The following RSRC1 variants were observed in gnomAD, a reference collection of about 807,000 sequenced individuals.
The protein encoded by RSRC1 is serine/Arginine-related protein 53.
In RSRC1, 39 loss-of-function variants were observed where a neutral mutation model predicts 49.1. That is an observed-to-expected ratio of 0.79 (90% CI 0.61 to 1.04). The LOEUF (loss-of-function observed/expected upper bound fraction) is 1.04, where lower values mean the gene tolerates loss of function less well. Ranked by LOEUF, RSRC1 falls within the 50% of genes least tolerant of loss-of-function variation. The pLI, the probability that RSRC1 is intolerant of heterozygous loss-of-function variation, is 0.00. For synonymous variants in RSRC1, 143 were observed against 130.8 expected, an observed-to-expected ratio of 1.09 and a Z score of -0.63; for missense variants, 388 against 402.4, an observed-to-expected ratio of 0.96 and a Z score of 0.31.
chr3:158,255,086 A>G lies in RSRC1; in HGVS notation c.495-42953A>G, dbSNP rs573036384. Among the ~76,000 whole-genome samples, 7 of 152,196 alleles carry G rather than the reference A, an allele frequency of 4.6e-5. No homozygotes were observed. In the South Asian group the frequency reaches 1.2e-3, roughly 27 times the overall value. On this transcript the variant is annotated intron_variant, in intron 4 of 9. Coordinates refer to ENST00000611884, the MANE Select transcript of RSRC1 (RefSeq NM_001271838.2). ...CTCTTTGATTAGATCTCATTTGTCTATTTTGGCTTTTGTTGCCATTGCTTT... is the reference window on the plus strand; with the variant it reads ...CTCTTTGATTAGATCTCATTTGTCTGTTTTGGCTTTTGTTGCCATTGCTTT...
chr3:158,354,347 C>T (rs1731046419), intron 5 of RSRC1, among the ~76,000 whole-genome samples: 1 of 152,096 alleles, frequency 6.6e-6, no homozygotes, highest in Non-Finnish European at 1.5e-5. Flanking sequence ...ACTGAAAAAG[C>T]AATTTTAGGA....
chr3:158,203,009 G>A (rs2108279430), intron 3 of RSRC1, 63 bp from the exon 4 acceptor site: 1 of 1,314,962 alleles, frequency 7.6e-7, no homozygotes, highest in Non-Finnish European at 1.1e-6. Context: ...ATTTAAAAGA[G>A]TATTTACTTT....
At chr3:158,238,775 CAG>C (rs1452539702) in intron 4 of RSRC1, among the ~76,000 whole-genome samples, 6 of 152,082 alleles carry the variant, frequency 3.9e-5, no homozygotes, top group South Asian at 2.1e-4. Flanking sequence ...TAGAAAAAAA[CAG>C]AGGGAATACC....
chr3:158,525,604 A>G (rs1344884463), intron 7 of RSRC1, among the ~76,000 whole-genome samples: 2 of 152,040 alleles, frequency 1.3e-5, no homozygotes, highest in Admixed American at 6.6e-5. Context: ...AGAGTTGTAC[A>G]TGAATGTTAT....
chr3:158,207,244 T>G (rs552785734), intron 4 of RSRC1, among the ~76,000 whole-genome samples: 2 of 152,310 alleles, frequency 1.3e-5, no homozygotes, highest in Admixed American at 6.5e-5. Context: ...AAAATAGAAC[T>G]GAAAGAATTT....
intron 6 of RSRC1, among the ~76,000 whole-genome samples, chr3:158,367,318 C>T (rs896636835): frequency 6.6e-6 from 1 of 152,118 alleles, no homozygotes; most frequent in Non-Finnish European, 1.5e-5. Flanking sequence ...CCATCAACAC[C>T]TAGTTTATTG....
At chr3:158,202,990 T>G (rs1312169421) in intron 3 of RSRC1, 82 bp from the exon 4 acceptor site, 2 of 1,140,214 alleles carry the variant, frequency 1.8e-6, no homozygotes, top group Non-Finnish European at 2.4e-6. Flanking sequence ...AAGTAGTTTT[T>G]TTCAGATAAT....
At chr3:158,167,987 A>C (rs999452335) in intron 3 of RSRC1, among the ~76,000 whole-genome samples, 2 of 152,188 alleles carry the variant, frequency 1.3e-5, no homozygotes, top group Non-Finnish European at 1.5e-5. Context: ...CTGTCAGTCT[A>C]CCTACCATCA....
intron 3 of RSRC1, among the ~76,000 whole-genome samples, chr3:158,162,594 T>G (rs1489054751): frequency 6.6e-6 from 1 of 152,168 alleles, no homozygotes; most frequent in African/African-American, 2.4e-5. Flanking sequence ...TGCTTACTTT[T>G]TTCAGATATT....
chr3:158,531,342 A>C (rs1239232576), intron 7 of RSRC1, among the ~76,000 whole-genome samples: 1 of 151,954 alleles, frequency 6.6e-6, no homozygotes, highest in East Asian at 1.9e-4. Flanking sequence ...AGGTGAGAAG[A>C]GTTGAATGAG....
At chr3:158,316,956 A>G (rs895584342) in intron 5 of RSRC1, among the ~76,000 whole-genome samples, 1 of 152,210 alleles carries the variant, frequency 6.6e-6, no homozygotes, top group Non-Finnish European at 1.5e-5. Context: ...CTTAGTCACA[A>G]ATTTTGGCTA....
At chr3:158,233,839 C>T (rs969958146) in intron 4 of RSRC1, among the ~76,000 whole-genome samples, 1 of 152,134 alleles carries the variant, frequency 6.6e-6, no homozygotes, top group African/African-American at 2.4e-5. Flanking sequence ...ATGCTCTGGG[C>T]TATATTCATT....
At chr3:158,473,288 A>G (rs577643222) in intron 7 of RSRC1, among the ~76,000 whole-genome samples, 1 of 152,334 alleles carries the variant, frequency 6.6e-6, no homozygotes, top group East Asian at 1.9e-4. Context: ...GATAGACTGG[A>G]TAAAGAAAAT....
chr3:158,437,024 A>G (rs1172193287), intron 6 of RSRC1, among the ~76,000 whole-genome samples: 3 of 107,870 alleles, frequency 2.8e-5, no homozygotes, highest in African/African-American at 1.2e-4. Flanking sequence ...ACCTCATAGT[A>G]ATTCATTTTA....
chr3:158,256,546 C>T (rs999398054), intron 4 of RSRC1, among the ~76,000 whole-genome samples: 1 of 152,114 alleles, frequency 6.6e-6, no homozygotes, highest in African/African-American at 2.4e-5. Context: ...GTTGTTGTGT[C>T]TCTGCTAGGT....
chr3:158,280,082 C>A (rs968525066), intron 4 of RSRC1, among the ~76,000 whole-genome samples: 3 of 152,082 alleles, frequency 2.0e-5, no homozygotes, highest in African/African-American at 7.2e-5. Flanking sequence ...TCTTTTTATT[C>A]TTGTCTTTCA....
intron 7 of RSRC1, among the ~76,000 whole-genome samples, chr3:158,501,259 A>G (rs1739576189): frequency 6.6e-6 from 1 of 152,172 alleles, no homozygotes; most frequent in South Asian, 2.1e-4. Flanking sequence ...AAATGTATCA[A>G]GCCTCATTTT....
chr3:158,120,184 A>G (rs748263511), intron 1 of RSRC1, among the ~76,000 whole-genome samples: 9 of 152,124 alleles, frequency 5.9e-5, no homozygotes, highest in Non-Finnish European at 1.2e-4. Context: ...TACCTATTGT[A>G]GTTTCATTTT....
At chr3:158,343,859 C>G (rs1383310460) in intron 5 of RSRC1, among the ~76,000 whole-genome samples, 1 of 151,796 alleles carries the variant, frequency 6.6e-6, no homozygotes, top group Non-Finnish European at 1.5e-5. Context: ...ATGGAGTTGC[C>G]AAAGGAAAGG....
Sources: allele counts gnomAD v4.1 joint callset (sites outside exome capture counted in the v4.1 genomes callset), GRCh38; gene constraint gnomAD v4.1.1; transcripts MANE v1.5; gene names NCBI Gene and HGNC (gene_info 2026-07-23, HGNC 2026-07-21).